The following DLC1 variants were observed in gnomAD, a reference collection of about 807,000 sequenced individuals.
DLC1 encodes rho GTPase-activating protein 7.
Under a neutral mutation model 140.3 loss-of-function variants are expected in DLC1, and 54 were observed. The observed-to-expected ratio is 0.38, with a 90% CI of 0.31 to 0.48. The LOEUF (loss-of-function observed/expected upper bound fraction) is 0.48. Among genes scored for constraint, DLC1 ranks in the 20% least tolerant of loss-of-function variants. DLC1 has a pLI of 0.96. For synonymous variants in DLC1, 986 were observed against 728.1 expected (o/e 1.35, Z -5.70); for missense variants, 2,536 against 1,907.0 (o/e 1.33, Z -6.14).
chr8:13,362,957 C>T (rs1302948097), intron 4 of DLC1, among the ~76,000 whole-genome samples: 1 of 152,202 alleles, frequency 6.6e-6, no homozygotes, highest in Non-Finnish European at 1.5e-5. Flanking sequence ...TCTCTGTTTT[C>T]TCGATTACAT....
chr8:13,300,721 G>C (rs906786712), intron 5 of DLC1, among the ~76,000 whole-genome samples: 2 of 152,162 alleles, frequency 1.3e-5, no homozygotes, highest in African/African-American at 4.8e-5. Flanking sequence ...GTATGGACAG[G>C]TCACTCCTGA....
At chr8:13,223,841 G>T (rs890790759) in intron 5 of DLC1, among the ~76,000 whole-genome samples, 1 of 152,116 alleles carries the variant, frequency 6.6e-6, no homozygotes, top group Non-Finnish European at 1.5e-5. Context: ...TAATTTTTCA[G>T]TGGTTAATAT....
intron 2 of DLC1, among the ~76,000 whole-genome samples, chr8:13,455,453 C>T (rs1309347054): frequency 6.6e-6 from 1 of 152,078 alleles, no homozygotes; most frequent in African/African-American, 2.4e-5. Flanking sequence ...CTCCTCCAGA[C>T]TTCATCTACC....
At chr8:13,585,401 T>G (rs1321651157) in intron 1 of DLC1, among the ~76,000 whole-genome samples, 1 of 151,774 alleles carries the variant, frequency 6.6e-6, no homozygotes, top group African/African-American at 2.4e-5. Context: ...CTCATCTCTA[T>G]AAAAAATTTA....
At chr8:13,531,513 G>C (rs1803096442) in intron 1 of DLC1, among the ~76,000 whole-genome samples, 1 of 152,172 alleles carries the variant, frequency 6.6e-6, no homozygotes, top group South Asian at 2.1e-4. Context: ...TTGAACCTGG[G>C]AGGTGCAGGT....
At chr8:13,535,537 A>C (rs1803247478) in intron 1 of DLC1, among the ~76,000 whole-genome samples, 1 of 152,002 alleles carries the variant, frequency 6.6e-6, no homozygotes, top group Non-Finnish European at 1.5e-5. Flanking sequence ...ATTAAACTAC[A>C]TTTCTAAACA....
At chr8:13,360,974 C>A (rs188947018) in intron 4 of DLC1, among the ~76,000 whole-genome samples, 21 of 151,926 alleles carry the variant, frequency 1.4e-4, no homozygotes, top group Non-Finnish European at 2.6e-4. Flanking sequence ...CTCATGCCTG[C>A]GATCTCAATA....
intron 2 of DLC1, among the ~76,000 whole-genome samples, chr8:13,434,596 A>T (rs1390380705): frequency 6.6e-6 from 1 of 152,140 alleles, no homozygotes; most frequent in Non-Finnish European, 1.5e-5. Context: ...TTACAAGGAA[A>T]TTCACATTGT....
chr8:13,467,278 C>G (rs980718092), intron 2 of DLC1, among the ~76,000 whole-genome samples: 2 of 152,138 alleles, frequency 1.3e-5, no homozygotes, highest in African/African-American at 4.8e-5. Context: ...TCACCTGCCC[C>G]GTTGGAATGT....
chr8:13,304,819 C>G (rs1017709142), intron 5 of DLC1: 1 of 975,406 alleles, frequency 1.0e-6, no homozygotes, highest in Admixed American at 6.1e-5. Context: ...TTTTTTTCTT[C>G]AATACAATTA....
At chr8:13,485,203 A>C (rs1161624942) in intron 2 of DLC1, among the ~76,000 whole-genome samples, 1 of 152,190 alleles carries the variant, frequency 6.6e-6, no homozygotes, top group Non-Finnish European at 1.5e-5. Context: ...TTTCTCCTAC[A>C]TAGAGACTGA....
At chr8:13,374,651 T>A (rs1488855889) in intron 4 of DLC1, among the ~76,000 whole-genome samples, 1 of 152,060 alleles carries the variant, frequency 6.6e-6, no homozygotes, top group African/African-American at 2.4e-5. Context: ...GGAGTGGTAG[T>A]ATGCGCCTGT....
At chr8:13,525,555 TGTG>T (rs1554538142) in intron 1 of DLC1, among the ~76,000 whole-genome samples, 1 of 152,228 alleles carries the variant, frequency 6.6e-6, no homozygotes, top group Non-Finnish European at 1.5e-5. Flanking sequence ...CATTTCTCAT[TGTG>T]GTTTTAACTT....
At position 13,092,743 on chromosome 8, in the gene DLC1, G is replaced by A; in HGVS notation, c.3609C>T (p.Thr1203=). ...LPDENREVLQ[T]LLYFLSDVTA... is the part of the protein sequence containing the mutation. ...TGACATCGCTCAGGAAATAAAGCAG[G>A]GTCTGCAGAACCTCCCGGTTCTCGT... is the stretch of plus-strand genomic sequence containing the variant. Residue 1203 remains threonine (T), a synonymous_variant, in exon 13 of 18, where the codon ACC becomes ACT. Coordinates refer to ENST00000276297, the MANE Select transcript of DLC1 (RefSeq NM_182643.3). 6.2e-7 allele frequency: 1 copy of A among 1,614,090 alleles called. No homozygotes were observed. Among genetic ancestry groups the A allele is most frequent in the Non-Finnish European group, 8.5e-7 (1 of 1,180,024 alleles).
chr8:13,252,950 C>T (rs1203082997), intron 5 of DLC1, among the ~76,000 whole-genome samples: 1 of 152,184 alleles, frequency 6.6e-6, no homozygotes, highest in Admixed American at 6.5e-5. Flanking sequence ...TCCTACCCTT[C>T]TGTGTTCACT....
chr8:13,318,035 A>G (rs1449122872), intron 4 of DLC1, among the ~76,000 whole-genome samples: 2 of 151,906 alleles, frequency 1.3e-5, no homozygotes, highest in African/African-American at 2.4e-5. Flanking sequence ...AATTAGGTTT[A>G]TTTATTTTTA....
chr8:13,222,943 G>C (rs1432285420), intron 5 of DLC1, among the ~76,000 whole-genome samples: 1 of 151,650 alleles, frequency 6.6e-6, no homozygotes, highest in Non-Finnish European at 1.5e-5. Flanking sequence ...TGCAGAGATG[G>C]GGTCTTGGTA....
At chr8:13,484,237 A>T (rs1423617907) in intron 2 of DLC1, among the ~76,000 whole-genome samples, 1 of 152,216 alleles carries the variant, frequency 6.6e-6, no homozygotes, top group Non-Finnish European at 1.5e-5. Context: ...AATGGATATG[A>T]GAGATCATGA....
chr8:13,135,406 C>A (rs1269474241), intron 5 of DLC1, among the ~76,000 whole-genome samples: 1 of 152,024 alleles, frequency 6.6e-6, no homozygotes, highest in Admixed American at 6.6e-5. Flanking sequence ...TGGTCTCGAT[C>A]TCCTGACCTC....
Sources: gnomAD v4.1 joint callset for allele counts (sites outside exome capture counted in the v4.1 genomes callset) on GRCh38, gnomAD v4.1.1 for gene constraint, MANE v1.5 for transcripts, NCBI Gene and HGNC (gene_info 2026-07-23, HGNC 2026-07-21) for gene names.